Variants in PRICKLE3 observed in about 807,000 individuals in gnomAD.
PRICKLE3 encodes the protein prickle planar cell polarity protein 3, also known as LIM domain only protein 6.
A neutral mutation model predicts 33.8 loss-of-function variants in PRICKLE3; 17 were observed. The observed-to-expected ratio is 0.50, with a 90% CI of 0.34 to 0.75. The LOEUF is 0.75. Ranked by LOEUF, PRICKLE3 falls within the 30% of genes least tolerant of loss-of-function variation. The probability of loss-of-function intolerance (pLI) is 0.01; values close to 1 mark genes in which losing one functional copy is unlikely to be tolerated. For synonymous variants in PRICKLE3, 211 were observed against 219.6 expected (o/e 0.96, Z 0.34); for missense variants, 573 against 576.7 (o/e 0.99, Z 0.07).
At chrX:49,176,385 T>C in intron 8 of PRICKLE3, 120 bp from the exon 9 acceptor site, 1 of 519,793 alleles carries the variant, frequency 1.9e-6, no homozygotes, top group Non-Finnish European at 3.0e-6. Flanking sequence ...GGGGCAGGGG[T>C]CGGAGAATGG....
intron 2 of PRICKLE3, 61 bp from the exon 3 acceptor site, chrX:49,183,978 C>T: frequency 2.6e-6 from 3 of 1,149,982 alleles, no homozygotes; most frequent in Non-Finnish European, 3.5e-6. Flanking sequence ...CCCTCGGCAG[C>T]CCAGGTCCAA....
chrX:49,186,144 A>G, intron 1 of PRICKLE3, 112 bp downstream of exon 1: 1 of 914,258 alleles, frequency 1.1e-6, no homozygotes, highest in Non-Finnish European at 1.5e-6. Context: ...AATGCAGGGG[A>G]TGGGATTCCC....
chrX:49,183,891 G>A lies in PRICKLE3; in HGVS notation c.155C>T (p.Pro52Leu), dbSNP rs1308781639. 2.5e-6 allele frequency: 3 copies of A among 1,206,714 alleles called. No individual in the cohort carries two copies. Among genetic ancestry groups the A allele is most frequent in the African/African-American group, 3.5e-5 (2 of 57,150 alleles). ...CGCGTGCACTGCATGCTCCTCCCGCGGGCATTTGCAATGCTGGCAGATCTT... is the reference window on the plus strand; with the variant it reads ...CGCGTGCACTGCATGCTCCTCCCGCAGGCATTTGCAATGCTGGCAGATCTT... ...WRKICQHCKC[P>L]REEHAVHAVP... is the part of the protein sequence containing the mutation. Residue 52 changes from proline (P) to leucine (L), a missense_variant, in exon 3 of 9, where the codon CCG (proline) becomes CTG (leucine). By Grantham distance (98) the Pro-to-Leu change is moderately conservative (BLOSUM62 -3). Transcript: ENST00000599218.
rs1189476962 is a variant in PRICKLE3, at chrX:49,185,365, G to A, written c.43-655C>T. Among the ~76,000 whole-genome samples, 4 of 111,334 alleles carry A rather than the reference G, an allele frequency of 3.6e-5. 1 individual carries two copies. Among genetic ancestry groups the A allele is most frequent in the African/African-American group, 1.3e-4 (4 of 30,539 alleles). On this transcript the variant is annotated intron_variant, in intron 1 of 8. Coordinates refer to ENST00000599218, the MANE Select transcript of PRICKLE3 (RefSeq NM_006150.5). ...TTGGCCTTTACCCATCCCATCCTAG[G>A]GCTATTTATTCCTTCTCCGGACCAT... is the stretch of plus-strand genomic sequence containing the variant.
At chrX:49,184,568 T>C in intron 2 of PRICKLE3, 57 bp downstream of exon 2, 1 of 1,022,735 alleles carries the variant, frequency 9.8e-7, no homozygotes. Flanking sequence ...GGCTCCTGGA[T>C]TTCCCCCCGA....
chrX:49,176,242 G>A lies in PRICKLE3; in HGVS notation c.1279C>T (p.Arg427Cys), dbSNP rs782040388. The A allele has an allele frequency of 2.6e-6, 3 of 1,150,459 alleles. No individual in the cohort carries two copies. Among genetic ancestry groups the A allele is most frequent in the Non-Finnish European group, 3.5e-6 (3 of 865,376 alleles). The allele number at this position is 1,150,459 out of a possible 1,213,427, so 94.8% of individuals were successfully genotyped here. Residue 427 changes from arginine to cysteine, a missense_variant, in exon 9 of 9, where the codon CGC becomes TGC. Arg to Cys is a radical substitution (Grantham distance 180, BLOSUM62 -3). Transcript: ENST00000599218. ...APATGPEEPS[R>C]FLRGAPHRHS... ...CGGTGGGGAGCCCCTCTCAGAAAGC[G>A]GGAGGGCTCCTCAGGGCCTGTAGCT...
At chrX:49,184,827 T>TGGGCAGCGCTGGGCAGGCTG in intron 1 of PRICKLE3, 117 bp from the exon 2 acceptor site, 1 of 1,162,928 alleles carries the variant, frequency 8.6e-7, no homozygotes, top group Non-Finnish European at 1.1e-6. Flanking sequence ...CTGTCTTACC[T>TGGGCAGCGCTGGGCAGGCTG]GGGCAGCGCT....
Position 49,179,703 on chromosome X carries a change from T to C in PRICKLE3, c.416A>G (p.His139Arg). ...CTTCTCTCTCCTCACCTCACTGTCGTGTGGGGGCAGCTGGTGCAGCAGCTG... is the reference window on the plus strand; with the variant it reads ...CTTCTCTCTCCTCACCTCACTGTCGCGTGGGGGCAGCTGGTGCAGCAGCTG... ...IKQLLHQLPP[H>R]DSEAQYCTAL... Residue 139 changes from histidine (H) to arginine (R), a missense_variant, in exon 4 of 9, where the codon CAC becomes CGC. His to Arg is a conservative substitution (Grantham distance 29, BLOSUM62 0). Transcript: ENST00000599218. 8.5e-7 allele frequency: 1 copy of C among 1,177,473 alleles called. No homozygotes were observed. Among genetic ancestry groups the C allele is most frequent in the Non-Finnish European group, 1.1e-6 (1 of 872,618 alleles).
At chrX:49,180,611 A>T (rs1031504845) in intron 3 of PRICKLE3, among the ~76,000 whole-genome samples, 1 of 111,355 alleles carries the variant, frequency 9.0e-6, no homozygotes, top group African/African-American at 3.3e-5. Flanking sequence ...GGCTTCCAGG[A>T]CACCACACAG....
intron 5 of PRICKLE3, 92 bp downstream of exon 5, chrX:49,179,159 G>A: frequency 9.3e-7 from 1 of 1,072,550 alleles, no homozygotes; most frequent in South Asian, 2.3e-5. Flanking sequence ...TAAGTGGCAG[G>A]CCTCATCTTC....
intron 7 of PRICKLE3, among the ~76,000 whole-genome samples, chrX:49,177,532 C>A (rs1557100320): frequency 8.9e-6 from 1 of 112,073 alleles, no homozygotes; most frequent in Non-Finnish European, 1.9e-5. Context: ...GAATGGAAAG[C>A]TGGGCCTGAA....
rs1557101527 is a variant in PRICKLE3 at position 49,183,890 on chromosome X, C to T, written c.156G>A (p.Pro52=). The T allele has an allele frequency of 8.3e-7, 1 of 1,207,781 alleles. No individual in the cohort carries two copies. Among genetic ancestry groups the T allele is most frequent in the Non-Finnish European group, 1.1e-6 (1 of 892,505 alleles). Reference sequence around the variant, plus strand: ...CCGCGTGCACTGCATGCTCCTCCCGCGGGCATTTGCAATGCTGGCAGATCT... The same window carrying T: ...CCGCGTGCACTGCATGCTCCTCCCGTGGGCATTTGCAATGCTGGCAGATCT... The part of the protein sequence containing the change: ...WRKICQHCKC[P]REEHAVHAVP... The change falls in exon 3 of 9, where the codon CCG becomes CCA. Residue 52 remains proline (P), a synonymous_variant. Transcript: ENST00000599218.
chrX:49,185,406 C>T (rs1331467929), intron 1 of PRICKLE3, among the ~76,000 whole-genome samples: 2 of 111,882 alleles, frequency 1.8e-5, no homozygotes, highest in Admixed American at 9.5e-5. Flanking sequence ...CCAGACCCCA[C>T]ATTCCCAGGT....
At chrX:49,183,255 C>T (rs1557101409) in intron 3 of PRICKLE3, among the ~76,000 whole-genome samples, 1 of 111,624 alleles carries the variant, frequency 9.0e-6, no homozygotes, top group African/African-American at 3.3e-5. Flanking sequence ...GAATGAAGTG[C>T]TGGGAGGGTA....
chrX:49,184,757 A>G (rs1050563298), intron 1 of PRICKLE3, 47 bp from the exon 2 acceptor site: 32 of 1,160,050 alleles, frequency 2.8e-5, no homozygotes, highest in Non-Finnish European at 3.5e-5. Flanking sequence ...GCGCGGAAGC[A>G]GGGAAGGAGA....
chrX:49,184,918 T>C, intron 1 of PRICKLE3: 1 of 1,102,055 alleles, frequency 9.1e-7, no homozygotes, highest in African/African-American at 1.8e-5. Flanking sequence ...GCCACCTCCT[T>C]ATATGTCCCC....
At chrX:49,179,045 C>T (rs1481672355) in intron 5 of PRICKLE3, among the ~76,000 whole-genome samples, 1 of 112,348 alleles carries the variant, frequency 8.9e-6, no homozygotes, top group Non-Finnish European at 1.9e-5. Flanking sequence ...GGACAGGTCC[C>T]TGTCCACCAG....
chrX:49,176,363 A>C (rs2065417336), intron 8 of PRICKLE3, 98 bp from the exon 9 acceptor site: 1 of 635,864 alleles, frequency 1.6e-6, no homozygotes, highest in African/African-American at 2.3e-5. Context: ...CTCCACTAAG[A>C]CTGGGAAAGT....
intron 1 of PRICKLE3, chrX:49,185,041 T>C (rs954762541): frequency 2.3e-6 from 1 of 443,246 alleles, no homozygotes; most frequent in Non-Finnish European, 3.4e-6. Context: ...GCACCTCCCC[T>C]ATAATTCATT....
Sources: allele counts gnomAD v4.1 joint callset (sites outside exome capture counted in the v4.1 genomes callset), GRCh38; gene constraint gnomAD v4.1.1; transcripts MANE v1.5; gene names NCBI Gene and HGNC (gene_info 2026-07-23, HGNC 2026-07-21).